KCNK2: variants seen among roughly 807,000 people sequenced by gnomAD.
KCNK2 encodes potassium channel subfamily K member 2.
A neutral mutation model predicts 40.5 loss-of-function variants in KCNK2; 21 were observed. The observed-to-expected ratio is 0.52, with a 90% CI of 0.37 to 0.75. The LOEUF is 0.75. KCNK2 is among the 30% of genes least tolerant of loss of function. KCNK2 has a pLI of 0.00. For synonymous variants in KCNK2, 191 were observed against 202.2 expected (o/e 0.94, Z 0.47); for missense variants, 399 against 531.6 (o/e 0.75, Z 2.45).
chr1:215,070,244 G>C (rs1334770030), intron 1 of KCNK2, among the ~76,000 whole-genome samples: 1 of 11,408 alleles, frequency 8.8e-5, no homozygotes. Context: ...CCCCATCTCT[G>C]CTAAAAAAAA....
At chr1:215,070,976 T>C (rs1282419002) in intron 1 of KCNK2, among the ~76,000 whole-genome samples, 1 of 152,204 alleles carries the variant, frequency 6.6e-6, no homozygotes, top group Non-Finnish European at 1.5e-5. Flanking sequence ...ATCAAATCAA[T>C]TATTAATGTA....
chr1:215,218,850 T>C (rs1666058782), intron 6 of KCNK2, among the ~76,000 whole-genome samples: 1 of 152,198 alleles, frequency 6.6e-6, no homozygotes, highest in South Asian at 2.1e-4. Context: ...TGTACTAATA[T>C]ATTATACATG....
chr1:215,175,229 G>T (rs189367058), intron 5 of KCNK2, among the ~76,000 whole-genome samples: 79 of 152,216 alleles, frequency 5.2e-4, no homozygotes, highest in Middle Eastern at 3.4e-3. Context: ...AGGTAATCAG[G>T]TTACCTACTG....
intron 3 of KCNK2, among the ~76,000 whole-genome samples, chr1:215,161,786 G>T (rs370467337): frequency 6.6e-6 from 1 of 152,038 alleles, no homozygotes; most frequent in African/African-American, 2.4e-5. Flanking sequence ...ATAGTATTCC[G>T]TGGTGTATAT....
At chr1:215,089,566 AG>A (rs1337319643) in intron 2 of KCNK2, among the ~76,000 whole-genome samples, 5 of 152,164 alleles carry the variant, frequency 3.3e-5, no homozygotes, top group African/African-American at 1.2e-4. Context: ...TGGGGAGGTG[AG>A]GGAAGATATG....
intron 1 of KCNK2, among the ~76,000 whole-genome samples, chr1:215,058,695 G>A (rs989749191): frequency 3.3e-5 from 5 of 151,862 alleles, no homozygotes; most frequent in African/African-American, 4.8e-5. Flanking sequence ...CTACATAATC[G>A]CCCCCCTGAC....
chr1:215,076,428 A>G (rs1226512538), intron 1 of KCNK2, among the ~76,000 whole-genome samples: 1 of 152,148 alleles, frequency 6.6e-6, no homozygotes, highest in East Asian at 1.9e-4. Context: ...GTGTTGCCTG[A>G]GGTTACTGTC....
intron 5 of KCNK2, among the ~76,000 whole-genome samples, chr1:215,176,967 C>T (rs770138876): frequency 7.2e-5 from 11 of 152,038 alleles, no homozygotes; most frequent in African/African-American, 1.2e-4. Context: ...AGTGTAAAAG[C>T]GTTTTTATTT....
chr1:215,070,405 G>A (rs533895591), intron 1 of KCNK2, among the ~76,000 whole-genome samples: 18 of 126,406 alleles, frequency 1.4e-4, no homozygotes, highest in Non-Finnish European at 2.8e-4. Context: ...AACAGAGTGA[G>A]ACCCCGTCTT....
At chr1:215,066,872 T>C (rs571095215) in intron 1 of KCNK2, among the ~76,000 whole-genome samples, 2 of 152,302 alleles carry the variant, frequency 1.3e-5, no homozygotes, top group South Asian at 4.1e-4. Flanking sequence ...CATGCGTCAA[T>C]CTTGACAACA....
intron 1 of KCNK2, among the ~76,000 whole-genome samples, chr1:215,043,782 G>T (rs745558131): frequency 6.6e-6 from 1 of 152,168 alleles, no homozygotes; most frequent in Non-Finnish European, 1.5e-5. Context: ...ATAATTGGAT[G>T]AAATGCTAAA....
In KCNK2 at chr1:215,197,468, G is replaced by A. The variant is rs531842798; in HGVS notation, c.963+2376G>A. Among the ~76,000 whole-genome samples the A allele has an allele frequency of 4.6e-5, 7 of 152,134 alleles. No individual in the cohort carries two copies. In the East Asian group the frequency reaches 7.7e-4, roughly 17 times the overall value. On this transcript the variant is annotated intron_variant, in intron 6 of 6. Coordinates refer to ENST00000444842, the MANE Select transcript of KCNK2 (RefSeq NM_001017425.3). The stretch of plus-strand genomic sequence containing the variant: ...CATGCATGAGAGAGAGTGAGAGATC[G>A]TGTGAGCATGCACACTCTGGTATAT...
At chr1:215,172,656 T>C (rs1379690184) in intron 5 of KCNK2, among the ~76,000 whole-genome samples, 1 of 152,058 alleles carries the variant, frequency 6.6e-6, no homozygotes, top group African/African-American at 2.4e-5. Context: ...TATTATTATT[T>C]ATTTATTTAT....
intron 5 of KCNK2, among the ~76,000 whole-genome samples, chr1:215,177,952 A>G (rs1026017414): frequency 6.6e-6 from 1 of 151,628 alleles, no homozygotes; most frequent in African/African-American, 2.4e-5. Flanking sequence ...CGTTGAGTCT[A>G]TAGATTGCTT....
rs567195114 is a variant in KCNK2 at position 215,102,464 on chromosome 1, T to TA, written c.357+15794dup. On this transcript the variant is annotated intron_variant, in intron 2 of 6. Coordinates refer to ENST00000444842, the MANE Select transcript of KCNK2 (RefSeq NM_001017425.3). Reference sequence around the variant, plus strand: ...AGTTATTACAAAAGAGTCAAAATGTTAAAAAAAATTTTAAAGTTTGCAAAA... The same window carrying TA: ...AGTTATTACAAAAGAGTCAAAATGTTAAAAAAAAATTTTAAAGTTTGCAAAA... 7.2e-3 allele frequency among the ~76,000 whole-genome samples: 1,095 copies of TA among 152,116 alleles called. 6 individuals carry two copies. The highest frequency in any genetic ancestry group is 0.011 in the Non-Finnish European group (718 of 67,940).
At chr1:215,061,314 T>TA (rs76167590) in intron 1 of KCNK2, among the ~76,000 whole-genome samples, 25 of 148,230 alleles carry the variant, frequency 1.7e-4, no homozygotes, top group East Asian at 1.2e-3. Flanking sequence ...AGCTTTCATG[T>TA]AAAAAAAAAA....
In KCNK2 at chr1:215,092,930, A is replaced by G. The variant is rs563135581; in HGVS notation, c.357+6252A>G. Among the ~76,000 whole-genome samples the G allele has an allele frequency of 6.6e-5, 10 of 152,316 alleles. No individual in the cohort carries two copies. The South Asian group carries it at 2.1e-3, about 32-fold the overall frequency. On this transcript the variant is annotated intron_variant, in intron 2 of 6. Coordinates refer to ENST00000444842, the MANE Select transcript of KCNK2 (RefSeq NM_001017425.3). ...GTGCTGTATTTAAGCAAAACAGCTC[A>G]GACTGATTTCAGGTCAGCACAGCCA...
intron 6 of KCNK2, among the ~76,000 whole-genome samples, chr1:215,234,612 A>G (rs1666801825): frequency 6.6e-6 from 1 of 152,136 alleles, no homozygotes; most frequent in South Asian, 2.1e-4. Context: ...CATAGAGTTT[A>G]AGTTCATAGA....
intron 6 of KCNK2, among the ~76,000 whole-genome samples, chr1:215,219,762 G>A (rs957998303): frequency 2.0e-5 from 3 of 152,094 alleles, no homozygotes; most frequent in African/African-American, 7.2e-5. Flanking sequence ...TGTGAATACA[G>A]ACTCATGGGT....
Sources: gnomAD v4.1 joint callset for allele counts (sites outside exome capture counted in the v4.1 genomes callset) on GRCh38, gnomAD v4.1.1 for gene constraint, MANE v1.5 for transcripts, NCBI Gene and HGNC (gene_info 2026-07-23, HGNC 2026-07-21) for gene names.